Variants in KAT6B observed in about 807,000 individuals in gnomAD.
The protein encoded by KAT6B is histone acetyltransferase KAT6B.
KAT6B carries 10 observed loss-of-function variants against 187.5 expected under a neutral mutation model. That is an observed-to-expected ratio of 0.05 (90% CI 0.03 to 0.09). The LOEUF (loss-of-function observed/expected upper bound fraction) is 0.09. Among genes scored for constraint, KAT6B ranks in the 10% least tolerant of loss-of-function variants. The pLI is 1.00. For missense variants in KAT6B, 1,952 were observed against 2,558.9 expected, an observed-to-expected ratio of 0.76 and a Z score of 5.12; for synonymous variants, 861 against 926.8, an observed-to-expected ratio of 0.93 and a Z score of 1.29.
chr10:74,943,549 A>G (rs1158914633), intron 3 of KAT6B, among the ~76,000 whole-genome samples: 1 of 152,224 alleles, frequency 6.6e-6, no homozygotes, highest in Non-Finnish European at 1.5e-5. Flanking sequence ...GTTCAGTGGG[A>G]AGAAGAAAAT....
chr10:74,935,272 TAC>T (rs1345786610), intron 3 of KAT6B, among the ~76,000 whole-genome samples: 1 of 15,612 alleles, frequency 6.4e-5, no homozygotes, highest in African/African-American at 4.0e-4. Flanking sequence ...TACATTTACA[TAC>T]ACACACATAT....
chr10:74,837,172 A>G (rs1841364453), intron 1 of KAT6B, among the ~76,000 whole-genome samples: 1 of 152,212 alleles, frequency 6.6e-6, no homozygotes, highest in African/African-American at 2.4e-5. Context: ...ATGTAATACC[A>G]GTGAAGCTAA....
Position 74,981,947 on chromosome 10 carries a change from A to G in KAT6B, c.2373+19A>G, listed in dbSNP as rs1432930688. 2 of 1,612,134 alleles carry G rather than the reference A, an allele frequency of 1.2e-6. No individual in the cohort carries two copies. The highest frequency in any genetic ancestry group is 1.7e-6 in the Non-Finnish European group (2 of 1,178,604). On this transcript the variant is annotated intron_variant, in intron 11 of 17. Transcript: ENST00000287239. The stretch of plus-strand genomic sequence containing the variant: ...ATTTGAGGTAAGCGCGTGTAAATAA[A>G]AAAATTCAGCTTTTTGAAATCTAGT...
chr10:74,975,825 C>T lies in KAT6B; in HGVS notation c.1488C>T (p.Pro496=). 6.2e-7 allele frequency: 1 copy of T among 1,614,164 alleles called. No individual in the cohort carries two copies. The highest frequency in any genetic ancestry group is 1.3e-5 in the African/African-American group (1 of 75,046). Reference sequence around the variant, plus strand: ...AACCTCCACCTTCTTCACTTCCACCCCCAACCCCCATCTCCGGTCAGAGCC... The same window carrying T: ...AACCTCCACCTTCTTCACTTCCACCTCCAACCCCCATCTCCGGTCAGAGCC... The part of the protein sequence containing the change: ...KLKPPPSSLP[P]PTPISGQSPS... The change falls in exon 8 of 18, where the codon CCC becomes CCT. Residue 496 remains proline (P), a synonymous_variant. Transcript: ENST00000287239.
intron 13 of KAT6B, among the ~76,000 whole-genome samples, chr10:74,994,480 G>C (rs555121753): frequency 6.6e-6 from 1 of 152,242 alleles, no homozygotes; most frequent in African/African-American, 2.4e-5. Flanking sequence ...GTGGAGAACA[G>C]TAGTTAGGAA....
At chr10:74,944,205 C>G (rs1849922440) in intron 3 of KAT6B, among the ~76,000 whole-genome samples, 1 of 152,200 alleles carries the variant, frequency 6.6e-6, no homozygotes, top group Non-Finnish European at 1.5e-5. Context: ...GAGTTGGGCC[C>G]TGATGGTGCC....
intron 13 of KAT6B, among the ~76,000 whole-genome samples, chr10:74,991,612 G>C (rs947288484): frequency 1.3e-5 from 2 of 152,218 alleles, no homozygotes; most frequent in Non-Finnish European, 2.9e-5. Flanking sequence ...AGGCAAAGTA[G>C]TGCTGAGGGT....
intron 13 of KAT6B, among the ~76,000 whole-genome samples, chr10:75,012,457 G>T (rs1401702605): frequency 6.6e-6 from 1 of 152,080 alleles, no homozygotes; most frequent in Non-Finnish European, 1.5e-5. Context: ...AAAAATAAAA[G>T]AAAAAGGAGC....
At chr10:74,998,900 C>T (rs1430227007) in intron 13 of KAT6B, among the ~76,000 whole-genome samples, 1 of 152,136 alleles carries the variant, frequency 6.6e-6, no homozygotes, top group Non-Finnish European at 1.5e-5. Flanking sequence ...TGCACTCCAA[C>T]CTGGGCAATA....
At chr10:74,974,042 AT>A (rs1465716124) in intron 7 of KAT6B, among the ~76,000 whole-genome samples, 1 of 152,212 alleles carries the variant, frequency 6.6e-6, no homozygotes, top group Non-Finnish European at 1.5e-5. Flanking sequence ...TTATAAGCAT[AT>A]TATCCTTTCT....
At chr10:74,838,801 T>C (rs972583177) in intron 2 of KAT6B, 49 bp downstream of exon 2, 3 of 152,234 alleles carry the variant, frequency 2.0e-5, no homozygotes, top group Non-Finnish European at 4.4e-5. Context: ...ATGACAATCT[T>C]ATTGAAATGT....
chr10:74,869,325 A>T (rs1222387435), intron 3 of KAT6B, among the ~76,000 whole-genome samples: 1 of 150,792 alleles, frequency 6.6e-6, no homozygotes, highest in Non-Finnish European at 1.5e-5. Flanking sequence ...ATGGAGTCTC[A>T]CTCTGTTGCC....
chr10:74,847,813 C>T (rs541858431), intron 3 of KAT6B, among the ~76,000 whole-genome samples: 1 of 151,584 alleles, frequency 6.6e-6, no homozygotes, highest in South Asian at 2.1e-4. Context: ...AATTCTTAGC[C>T]CGGGATCCAC....
At chr10:75,023,210 C>T (rs1007799006) in intron 16 of KAT6B, among the ~76,000 whole-genome samples, 1 of 152,212 alleles carries the variant, frequency 6.6e-6, no homozygotes, top group Non-Finnish European at 1.5e-5. Context: ...CTATCTGGGA[C>T]ATAGAGGAGA....
chr10:74,882,917 G>A (rs541554440), intron 3 of KAT6B, among the ~76,000 whole-genome samples: 1 of 152,296 alleles, frequency 6.6e-6, no homozygotes, highest in Admixed American at 6.5e-5. Context: ...CTTGCCTATA[G>A]TGTATTTTTC....
intron 3 of KAT6B, among the ~76,000 whole-genome samples, chr10:74,919,373 T>G (rs1226575493): frequency 6.6e-6 from 1 of 152,278 alleles, no homozygotes; most frequent in African/African-American, 2.4e-5. Context: ...CATTATTTCT[T>G]CACATACTGT....
intron 13 of KAT6B, among the ~76,000 whole-genome samples, chr10:75,018,540 G>A (rs1472755728): frequency 6.6e-6 from 1 of 152,220 alleles, no homozygotes; most frequent in African/African-American, 2.4e-5. Flanking sequence ...GCTGCGGAAA[G>A]CGTGGGTTTT....
intron 3 of KAT6B, among the ~76,000 whole-genome samples, chr10:74,844,997 A>T (rs985787465): frequency 6.6e-6 from 1 of 151,364 alleles, no homozygotes; most frequent in Non-Finnish European, 1.5e-5. Flanking sequence ...TGGGAGGATC[A>T]CTTGAGCCCA....
chr10:74,857,514 G>T (rs1337762063), intron 3 of KAT6B, among the ~76,000 whole-genome samples: 1 of 152,152 alleles, frequency 6.6e-6, no homozygotes, highest in South Asian at 2.1e-4. Context: ...TCCAGATAAT[G>T]CCCTTATCTC....
Sources: gnomAD v4.1 joint callset for allele counts (sites outside exome capture counted in the v4.1 genomes callset) on GRCh38, gnomAD v4.1.1 for gene constraint, MANE v1.5 for transcripts, NCBI Gene and HGNC (gene_info 2026-07-23, HGNC 2026-07-21) for gene names.